NTM: variants seen among roughly 807,000 people sequenced by gnomAD.
NTM encodes neurotrimin.
A neutral mutation model predicts 42.1 loss-of-function variants in NTM; 13 were observed. That is an observed-to-expected ratio of 0.31 (90% CI 0.20 to 0.49). The LOEUF is 0.49. Ranked by LOEUF, NTM falls within the 20% of genes least tolerant of loss-of-function variation. The pLI is 0.99. For synonymous variants in NTM, 187 were observed against 179.2 expected, an observed-to-expected ratio of 1.04 and a Z score of -0.35; for missense variants, 373 against 452.8, an observed-to-expected ratio of 0.82 and a Z score of 1.60.
intron 1 of NTM, among the ~76,000 whole-genome samples, chr11:131,866,120 A>T (rs1592371821): frequency 6.6e-6 from 1 of 151,452 alleles, no homozygotes; most frequent in African/African-American, 2.4e-5. Context: ...CTGCACACAC[A>T]TGCCTCACAT....
intron 4 of NTM, among the ~76,000 whole-genome samples, chr11:132,245,465 G>T (rs1246474549): frequency 6.6e-6 from 1 of 152,110 alleles, no homozygotes; most frequent in African/African-American, 2.4e-5. Context: ...CGGGGAGGCT[G>T]GTTGTCAGGC....
intron 1 of NTM, among the ~76,000 whole-genome samples, chr11:131,519,173 A>T (rs987487410): frequency 6.6e-6 from 1 of 151,398 alleles, no homozygotes; most frequent in African/African-American, 2.4e-5. Context: ...TTTCAAATTG[A>T]GAGCCAGGGG....
intron 1 of NTM, among the ~76,000 whole-genome samples, chr11:131,865,409 C>T (rs1030446833): frequency 2.0e-5 from 3 of 152,188 alleles, no homozygotes; most frequent in South Asian, 2.1e-4. Flanking sequence ...TTTATATGAA[C>T]TATGTGATTG....
chr11:131,613,217 T>A (rs1221862880), intron 1 of NTM, among the ~76,000 whole-genome samples: 2 of 152,242 alleles, frequency 1.3e-5, no homozygotes, highest in African/African-American at 4.8e-5. Flanking sequence ...CTGGGCACTC[T>A]CCTCGCCCTG....
chr11:131,370,741 C>A lies in NTM; in HGVS notation c.-66C>A, dbSNP rs1262529395. ...CAAGCTTGAGAGCAACACAATCTAT[C>A]AGGAAAGAAAGAAAGAAAAAAACCG... On this transcript the variant is annotated 5_prime_UTR_variant, in exon 1 of 9. Transcript: ENST00000683400. The A allele has an allele frequency of 5.2e-6, 7 of 1,349,974 alleles. No homozygotes were observed. In the African/African-American group the frequency reaches 8.8e-5, roughly 17 times the overall value. The allele number at this position is 1,349,974 out of a possible 1,614,324, so 83.6% of individuals were successfully genotyped here.
chr11:131,900,509 G>A (rs58363169), intron 1 of NTM, among the ~76,000 whole-genome samples: 2 of 152,342 alleles, frequency 1.3e-5, no homozygotes, highest in South Asian at 2.1e-4. Flanking sequence ...GGACATCCAC[G>A]TAAGATGAAT....
At chr11:131,721,732 C>T (rs944939325) in intron 1 of NTM, among the ~76,000 whole-genome samples, 1 of 152,020 alleles carries the variant, frequency 6.6e-6, no homozygotes, top group East Asian at 1.9e-4. Flanking sequence ...AGCAGTGGCT[C>T]ACACCTGTAA....
intron 7 of NTM, chr11:132,314,925 CATGTATACAAAGTAGTAT>C: frequency 7.6e-7 from 1 of 1,316,944 alleles, no homozygotes; most frequent in African/African-American, 1.5e-5. Context: ...ATACAGTTTA[CATGTATACAAAGTAGTAT>C]ATGTATAGTA....
intron 4 of NTM, among the ~76,000 whole-genome samples, chr11:132,283,077 C>G (rs997614123): frequency 1.3e-5 from 2 of 148,422 alleles, no homozygotes; most frequent in African/African-American, 2.5e-5. Flanking sequence ...ACCTTCGCCT[C>G]CTGGGTTCAA....
At chr11:132,307,024 A>G (rs145247644) in intron 4 of NTM, among the ~76,000 whole-genome samples, 3 of 152,232 alleles carry the variant, frequency 2.0e-5, no homozygotes, top group Non-Finnish European at 4.4e-5. Flanking sequence ...CGCCTGATGA[A>G]TCTCTGACAT....
intron 1 of NTM, among the ~76,000 whole-genome samples, chr11:131,815,619 A>G (rs1383964435): frequency 6.6e-6 from 1 of 151,062 alleles, no homozygotes; most frequent in Non-Finnish European, 1.5e-5. Context: ...GGCTTACCCA[A>G]CCCCCACTTC....
At chr11:131,624,262 T>G (rs2062875906) in intron 1 of NTM, among the ~76,000 whole-genome samples, 1 of 152,160 alleles carries the variant, frequency 6.6e-6, no homozygotes, top group African/African-American at 2.4e-5. Flanking sequence ...AGCACATCAT[T>G]CAGTGGCAAC....
At chr11:132,159,712 C>T (rs1281036593) in intron 3 of NTM, among the ~76,000 whole-genome samples, 1 of 152,078 alleles carries the variant, frequency 6.6e-6, no homozygotes, top group African/African-American at 2.4e-5. Context: ...GGAGGAACTT[C>T]CCAGAAAAAA....
chr11:131,675,888 G>T (rs78192986), intron 1 of NTM, among the ~76,000 whole-genome samples: 15 of 152,260 alleles, frequency 9.9e-5, no homozygotes, highest in African/African-American at 3.4e-4. Flanking sequence ...AAGCCCAGAC[G>T]TCTGCTTGAC....
At chr11:131,972,687 C>A (rs1223345602) in intron 2 of NTM, among the ~76,000 whole-genome samples, 1 of 152,144 alleles carries the variant, frequency 6.6e-6, no homozygotes, top group Admixed American at 6.5e-5. Context: ...GATGGAACCC[C>A]CGCATAATGT....
At chr11:132,097,913 C>T (rs1026877336) in intron 2 of NTM, among the ~76,000 whole-genome samples, 26 of 152,156 alleles carry the variant, frequency 1.7e-4, no homozygotes, top group African/African-American at 6.0e-4. Context: ...CCGTGATGCC[C>T]GTTTTGCAAT....
At chr11:132,139,723 A>T (rs192048950) in intron 2 of NTM, among the ~76,000 whole-genome samples, 1 of 152,184 alleles carries the variant, frequency 6.6e-6, no homozygotes, top group Non-Finnish European at 1.5e-5. Context: ...TGGTGGGGAC[A>T]TGCAGAGTAA....
At chr11:131,860,500 T>A (rs1293162753) in intron 1 of NTM, among the ~76,000 whole-genome samples, 4 of 152,348 alleles carry the variant, frequency 2.6e-5, no homozygotes, top group Non-Finnish European at 4.4e-5. Context: ...AGGTCTTAAC[T>A]GGACGCTGGT....
chr11:131,886,369 C>T (rs761429425), intron 1 of NTM, among the ~76,000 whole-genome samples: 3 of 152,226 alleles, frequency 2.0e-5, no homozygotes, highest in Non-Finnish European at 2.9e-5. Context: ...ATGAAATTCT[C>T]TGCCCAGGCA....
Sources: gnomAD v4.1 joint callset for allele counts (sites outside exome capture counted in the v4.1 genomes callset) on GRCh38, gnomAD v4.1.1 for gene constraint, MANE v1.5 for transcripts, NCBI Gene and HGNC (gene_info 2026-07-23, HGNC 2026-07-21) for gene names.